ALK: variants seen among roughly 807,000 people sequenced by gnomAD.
ALK encodes the protein ALK receptor tyrosine kinase.
Under a neutral mutation model 163.1 loss-of-function variants are expected in ALK, and 74 were observed. The ratio of observed to expected loss-of-function variants is 0.45; its 90% CI spans 0.38 to 0.55. The LOEUF is 0.55. Among genes scored for constraint, ALK ranks in the 20% least tolerant of loss-of-function variants. The pLI is 0.00. For synonymous variants in ALK, 960 were observed against 843.2 expected (o/e 1.14, Z -2.40); for missense variants, 2,063 against 2,105.3 (o/e 0.98, Z 0.39).
At chr2:29,776,730 A>C (rs950625848) in intron 1 of ALK, among the ~76,000 whole-genome samples, 3 of 152,136 alleles carry the variant, frequency 2.0e-5, no homozygotes, top group Non-Finnish European at 2.9e-5. Context: ...CTGGGAGGTC[A>C]AGTCTGCAGT....
rs1036776022 is a variant in ALK at position 29,581,831 on chromosome 2, G to T, written c.953-49715C>A. On this transcript the variant is annotated intron_variant, in intron 3 of 28. Transcript: ENST00000389048. ...GGGCATTTGCCTCTGCTGAGTTTTT[G>T]CTCAGTGATGGCTTAAATGTCCATC... Among the ~76,000 whole-genome samples, 19 of 152,140 alleles carry T rather than the reference G, an allele frequency of 1.2e-4. 1 individual carries two copies. Among genetic ancestry groups the T allele is most frequent in the Non-Finnish European group, 5.9e-5 (4 of 68,024 alleles).
intron 9 of ALK, among the ~76,000 whole-genome samples, chr2:29,294,005 AG>A (rs1244367757): frequency 6.6e-6 from 1 of 152,180 alleles, no homozygotes; most frequent in Non-Finnish European, 1.5e-5. Flanking sequence ...TTCAAGGTTC[AG>A]GGTTGGGGAG....
chr2:29,248,927 G>A (rs1172925326), intron 12 of ALK, among the ~76,000 whole-genome samples: 2 of 152,256 alleles, frequency 1.3e-5, no homozygotes, highest in African/African-American at 4.8e-5. Flanking sequence ...GGGTCGGCGT[G>A]TTCTTGGAAA....
chr2:29,416,139 T>C (rs1669871076), intron 4 of ALK, among the ~76,000 whole-genome samples: 1 of 152,238 alleles, frequency 6.6e-6, no homozygotes, highest in Non-Finnish European at 1.5e-5. Flanking sequence ...TATGTCTATA[T>C]ATACCCTCCT....
At chr2:29,470,222 C>T (rs901472880) in intron 4 of ALK, among the ~76,000 whole-genome samples, 2 of 151,924 alleles carry the variant, frequency 1.3e-5, no homozygotes, top group East Asian at 1.9e-4. Context: ...ACAGAATATA[C>T]AGAAAAGAAT....
At chr2:29,451,527 T>TG (rs34420822) in intron 4 of ALK, among the ~76,000 whole-genome samples, 10,786 of 152,198 alleles carry the variant, frequency 0.071, 538 homozygotes, top group Non-Finnish European at 0.11. Flanking sequence ...ATCTTGTACT[T>TG]GCTGTCTTCG....
In ALK at chr2:29,328,957, A is replaced by G. The variant is rs6738914; in HGVS notation, c.1283-476T>C. On this transcript the variant is annotated intron_variant, in intron 5 of 28. Transcript: ENST00000389048. ...CACTGGAGTGACTTATTGAGAAGAT[A>G]TTAGAAAGATGCAGCACTTTCTGTT... Among the ~76,000 whole-genome samples, 609 of 152,310 alleles carry G rather than the reference A, an allele frequency of 4.0e-3. 2 individuals carry two copies. The highest frequency in any genetic ancestry group is 0.013 in the African/African-American group (559 of 41,562).
intron 1 of ALK, among the ~76,000 whole-genome samples, chr2:29,865,065 A>T (rs1021826589): frequency 2.0e-5 from 3 of 152,084 alleles, no homozygotes; most frequent in African/African-American, 7.2e-5. Flanking sequence ...CTAAAGCAGA[A>T]CTCTGCTGCC....
chr2:29,803,412 A>G (rs1664534158), intron 1 of ALK, among the ~76,000 whole-genome samples: 1 of 152,174 alleles, frequency 6.6e-6, no homozygotes. Context: ...GCAACTGGTG[A>G]TTAACTTTGT....
intron 1 of ALK, among the ~76,000 whole-genome samples, chr2:29,881,737 C>G (rs779537308): frequency 6.6e-6 from 1 of 152,188 alleles, no homozygotes; most frequent in East Asian, 1.9e-4. Flanking sequence ...AAACTTTTCC[C>G]AATCCCCCAC....
In ALK at chr2:29,803,280, A is replaced by G. The variant is rs140028233; in HGVS notation, c.668-85583T>C. 9.2e-5 allele frequency among the ~76,000 whole-genome samples: 14 copies of G among 152,336 alleles called. No individual in the cohort carries two copies. In the East Asian group the frequency reaches 2.3e-3, roughly 25 times the overall value. Reference sequence around the variant, plus strand: ...AACAACCTAGCCCATTAGGCAGCAGATGTGGGCAGAGAATGGGCCAGAAGA... The same window carrying G: ...AACAACCTAGCCCATTAGGCAGCAGGTGTGGGCAGAGAATGGGCCAGAAGA... On this transcript the variant is annotated intron_variant, in intron 1 of 28. Transcript: ENST00000389048.
intron 13 of ALK, among the ~76,000 whole-genome samples, chr2:29,238,393 C>T (rs773747730): frequency 1.8e-4 from 28 of 151,980 alleles, no homozygotes; most frequent in South Asian, 2.1e-4. Context: ...TACATGGTTT[C>T]GCTGTGTTGG....
intron 1 of ALK, among the ~76,000 whole-genome samples, chr2:29,808,619 G>A (rs1373044258): frequency 6.6e-6 from 1 of 152,186 alleles, no homozygotes; most frequent in East Asian, 1.9e-4. Context: ...ACTGGCCCGT[G>A]CTCCAAATCC....
At chr2:29,622,496 C>T (rs1032954432) in intron 3 of ALK, among the ~76,000 whole-genome samples, 1 of 152,216 alleles carries the variant, frequency 6.6e-6, no homozygotes. Flanking sequence ...CCATGATTCA[C>T]TTACCTCCCT....
At chr2:29,838,978 GTATAA>G (rs1665634033) in intron 1 of ALK, among the ~76,000 whole-genome samples, 1 of 152,092 alleles carries the variant, frequency 6.6e-6, no homozygotes. Context: ...AACAGCTTAT[GTATAA>G]TATACTTTAA....
At chr2:29,705,241 AT>A (rs1416847870) in intron 2 of ALK, among the ~76,000 whole-genome samples, 10 of 10,742 alleles carry the variant, frequency 9.3e-4, no homozygotes, top group African/African-American at 4.3e-3. Flanking sequence ...AAGAAAAGAA[AT>A]ATATATATAT....
At chr2:29,310,368 A>G (rs976300530) in intron 8 of ALK, among the ~76,000 whole-genome samples, 8 of 152,192 alleles carry the variant, frequency 5.3e-5, no homozygotes, top group East Asian at 1.9e-4. Flanking sequence ...TAGGGAATCA[A>G]TATTTGAAAA....
rs559095465 is a variant in ALK at position 29,220,002 on chromosome 2, G to GTAGT, written c.3645+700_3645+703dup. Among the ~76,000 whole-genome samples, 109 of 152,294 alleles carry GTAGT rather than the reference G, an allele frequency of 7.2e-4. 1 individual carries two copies. In the East Asian group the frequency reaches 0.016, roughly 22 times the overall value. On this transcript the variant is annotated intron_variant, in intron 23 of 28. Transcript: ENST00000389048. ...TGACCTGCCCAGGTCAGTTGCTTGA[G>GTAGT]TAGTTACATGGCTGTCATGAAAGTT...
intron 5 of ALK, among the ~76,000 whole-genome samples, chr2:29,375,564 G>A (rs536183693): frequency 6.6e-5 from 10 of 152,180 alleles, no homozygotes; most frequent in South Asian, 6.2e-4. Context: ...TGATCTGCCC[G>A]CCTCGGCCTC....
Sources: allele counts gnomAD v4.1 joint callset (sites outside exome capture counted in the v4.1 genomes callset), GRCh38; gene constraint gnomAD v4.1.1; transcripts MANE v1.5; gene names NCBI Gene and HGNC (gene_info 2026-07-23, HGNC 2026-07-21).